The following NRXN3 variants were observed in gnomAD, a reference collection of about 807,000 sequenced individuals.
NRXN3 encodes neurexin III.
NRXN3 carries 32 observed loss-of-function variants against 137.6 expected under a neutral mutation model. The observed-to-expected ratio is 0.23, with a 90% CI of 0.18 to 0.31. The LOEUF is 0.31. Among genes scored for constraint, NRXN3 ranks in the 10% least tolerant of loss-of-function variants. NRXN3 has a pLI of 1.00. For synonymous variants in NRXN3, 798 were observed against 784.5 expected (o/e 1.02, Z -0.29); for missense variants, 1,574 against 2,062.5 (o/e 0.76, Z 4.59).
intron 10 of NRXN3, among the ~76,000 whole-genome samples, chr14:78,888,902 G>A (rs1226018261): frequency 7.0e-6 from 1 of 142,728 alleles, no homozygotes; most frequent in Non-Finnish European, 1.5e-5. Flanking sequence ...GAACAACGCT[G>A]AAGTCGATAT....
intron 6 of NRXN3, among the ~76,000 whole-genome samples, chr14:78,692,201 G>C (rs942668685): frequency 7.2e-5 from 11 of 152,136 alleles, no homozygotes; most frequent in African/African-American, 2.7e-4. Context: ...AAAGATTGAG[G>C]AGTCAGAGGT....
intron 8 of NRXN3, among the ~76,000 whole-genome samples, chr14:78,717,981 T>A (rs1278586872): frequency 1.3e-5 from 2 of 152,172 alleles, no homozygotes; most frequent in African/African-American, 4.8e-5. Flanking sequence ...AGATTTCCTA[T>A]TTCTAACTTT....
chr14:78,851,682 G>A (rs114045753), intron 10 of NRXN3, among the ~76,000 whole-genome samples: 78 of 152,232 alleles, frequency 5.1e-4, no homozygotes, highest in African/African-American at 1.9e-3. Context: ...GGGGAGGCCA[G>A]GCATGTCACT....
intron 19 of NRXN3, among the ~76,000 whole-genome samples, chr14:79,722,304 G>A (rs185027194): frequency 1.1e-3 from 166 of 151,988 alleles, no homozygotes; most frequent in African/African-American, 3.7e-3. Context: ...TTTTTGCAGC[G>A]CATGTATGAG....
chr14:79,437,639 G>A (rs1166101576), intron 15 of NRXN3, among the ~76,000 whole-genome samples: 1 of 152,176 alleles, frequency 6.6e-6, no homozygotes, highest in Non-Finnish European at 1.5e-5. Flanking sequence ...CCTGAACATG[G>A]CATGGCTGCC....
At chr14:78,185,662 A>G (rs1281013760) in intron 1 of NRXN3, among the ~76,000 whole-genome samples, 1 of 152,208 alleles carries the variant, frequency 6.6e-6, no homozygotes, top group African/African-American at 2.4e-5. Context: ...TGCCTGATAT[A>G]ATCTCAGCCT....
intron 6 of NRXN3, among the ~76,000 whole-genome samples, chr14:78,692,809 A>T (rs1602521787): frequency 6.7e-6 from 1 of 149,590 alleles, no homozygotes; most frequent in African/African-American, 2.5e-5. Context: ...GGCCAGGCGC[A>T]GTGGCTCACG....
chr14:79,117,261 C>A (rs1354667716), intron 15 of NRXN3, among the ~76,000 whole-genome samples: 1 of 152,136 alleles, frequency 6.6e-6, no homozygotes, highest in African/African-American at 2.4e-5. Flanking sequence ...CATAAAAGAT[C>A]TCAACATATA....
intron 13 of NRXN3, among the ~76,000 whole-genome samples, 191 bp downstream of exon 13, chr14:78,967,589 G>A (rs1244720549): frequency 6.6e-6 from 1 of 152,058 alleles, no homozygotes; most frequent in Non-Finnish European, 1.5e-5. Context: ...TCAAGAAATG[G>A]TTCATTTTCT....
intron 15 of NRXN3, among the ~76,000 whole-genome samples, chr14:79,303,887 A>G (rs1458432212): frequency 1.3e-5 from 2 of 152,090 alleles, no homozygotes; most frequent in Non-Finnish European, 2.9e-5. Flanking sequence ...TTTGAGATTT[A>G]TACTCCAGTA....
In NRXN3 at chr14:79,868,184, T is replaced by C. The variant is rs1307991837; in HGVS notation, c.*6220T>C. On this transcript the variant is annotated 3_prime_UTR_variant, in exon 21 of 21. Coordinates refer to ENST00000335750, the MANE Select transcript of NRXN3 (RefSeq NM_001330195.2). ...ATCCTTAAATAAATGTTGGTCGTTA[T>C]TACAATTGGCTTTGTTACTTGATTC... 1 of 152,228 alleles carries C rather than the reference T, an allele frequency of 6.6e-6. No homozygotes were observed. Among genetic ancestry groups the C allele is most frequent in the East Asian group, 1.9e-4 (1 of 5,196 alleles). The allele number at this position is 152,228 out of a possible 1,614,324, so 9.4% of individuals were successfully genotyped here. A position where few individuals can be genotyped will look rare whatever the true frequency, so the allele number is the denominator to read the frequency against.
chr14:78,685,744 T>C (rs1405919834), intron 6 of NRXN3, among the ~76,000 whole-genome samples: 1 of 150,754 alleles, frequency 6.6e-6, no homozygotes, highest in African/African-American at 2.4e-5. Flanking sequence ...GCGATTCTCC[T>C]GCCTTAGCCT....
chr14:78,479,227 T>C (rs2095432330), intron 4 of NRXN3, among the ~76,000 whole-genome samples: 1 of 152,202 alleles, frequency 6.6e-6, no homozygotes, highest in African/African-American at 2.4e-5. Context: ...ATAGTGAGTC[T>C]GAGAAGTGGC....
chr14:79,466,760 C>T (rs1660269360), intron 15 of NRXN3, among the ~76,000 whole-genome samples: 3 of 152,158 alleles, frequency 2.0e-5, no homozygotes, highest in Non-Finnish European at 4.4e-5. Context: ...CTTTGGACTG[C>T]TCTGTTACCT....
intron 8 of NRXN3, among the ~76,000 whole-genome samples, chr14:78,798,985 C>CCTA (rs1468227031): frequency 6.6e-6 from 1 of 152,208 alleles, no homozygotes; most frequent in Admixed American, 6.5e-5. Context: ...CTCCTAGCTT[C>CCTA]TGGGGCACCT....
intron 16 of NRXN3, among the ~76,000 whole-genome samples, chr14:79,626,401 C>T (rs1026707471): frequency 6.6e-6 from 1 of 151,062 alleles, no homozygotes. Context: ...TCTTCATAGT[C>T]ATTTTCTTTT....
chr14:78,256,288 G>C (rs2069583646), intron 2 of NRXN3, among the ~76,000 whole-genome samples: 1 of 152,178 alleles, frequency 6.6e-6, no homozygotes, highest in African/African-American at 2.4e-5. Context: ...GATATTGGAA[G>C]TGCTGCCATG....
chr14:78,978,858 GTCT>G (rs1184679951), intron 14 of NRXN3, among the ~76,000 whole-genome samples: 1 of 151,362 alleles, frequency 6.6e-6, no homozygotes, highest in Non-Finnish European at 1.5e-5. Flanking sequence ...ACAGTCCGCT[GTCT>G]GTATGCTGGA....
chr14:78,914,165 A>G (rs2099248677), intron 10 of NRXN3, among the ~76,000 whole-genome samples: 1 of 152,204 alleles, frequency 6.6e-6, no homozygotes, highest in Non-Finnish European at 1.5e-5. Context: ...CACCTCATTT[A>G]TTAGTCCATC....
Sources: allele counts gnomAD v4.1 joint callset (sites outside exome capture counted in the v4.1 genomes callset), GRCh38; gene constraint gnomAD v4.1.1; transcripts MANE v1.5; gene names NCBI Gene and HGNC (gene_info 2026-07-23, HGNC 2026-07-21).